MALRD1: variants seen among roughly 807,000 people sequenced by gnomAD.
MALRD1 encodes MAM and LDL-receptor class A domain-containing protein 1.
In MALRD1, 247 loss-of-function variants were observed where a neutral mutation model predicts 242.1. The observed-to-expected ratio is 1.02, with a 90% CI of 0.92 to 1.13. MALRD1 has a LOEUF of 1.13. Among genes scored for constraint, MALRD1 ranks in the 50% most tolerant of loss-of-function variants. The pLI is 0.00. For synonymous variants in MALRD1, 995 were observed against 866.6 expected (o/e 1.15, Z -2.60); for missense variants, 2,989 against 2,533.1 (o/e 1.18, Z -3.86).
At chr10:19,313,372 A>G (rs1173577377) in intron 21 of MALRD1, among the ~76,000 whole-genome samples, 1 of 151,488 alleles carries the variant, frequency 6.6e-6, no homozygotes, top group Non-Finnish European at 1.5e-5. Flanking sequence ...TTAAAGACTG[A>G]TCTAAAATCT....
At chr10:19,153,617 A>G (rs1325818781) in intron 11 of MALRD1, among the ~76,000 whole-genome samples, 1 of 151,852 alleles carries the variant, frequency 6.6e-6, no homozygotes, top group Non-Finnish European at 1.5e-5. Context: ...TGAACCCAGG[A>G]GTTCCAGGCA....
intron 8 of MALRD1, among the ~76,000 whole-genome samples, chr10:19,130,567 T>C (rs1432861151): frequency 6.6e-6 from 1 of 152,158 alleles, no homozygotes; most frequent in African/African-American, 2.4e-5. Flanking sequence ...TATTATAATA[T>C]GGTCTAATCC....
rs760137188 is a variant in MALRD1 at position 19,209,391 on chromosome 10, A to G, written c.2702A>G (p.Asp901Gly). 3 of 1,551,078 alleles carry G rather than the reference A, an allele frequency of 1.9e-6. No homozygotes were observed. Among genetic ancestry groups the G allele is most frequent in the South Asian group, 1.2e-5 (1 of 84,064 alleles). Residue 901 changes from aspartate (D) to glycine (G), a missense_variant, in exon 18 of 40, where the codon GAT becomes GGT. By Grantham distance (94) the Asp-to-Gly change is moderately conservative. Coordinates refer to ENST00000454679, the MANE Select transcript of MALRD1 (RefSeq NM_001142308.3). ...ACACTTAACACAGGGCCAATGAAAG[A>G]TAACACTCTGGGCACAGCTAAAGGA... ...TPTLNTGPMK[D>G]NTLGTAKGHY...
At position 19,175,259 on chromosome 10, in the gene MALRD1, G is replaced by T; in HGVS notation, c.1882G>T (p.Asp628Tyr). 2 of 1,230,470 alleles carry T rather than the reference G, an allele frequency of 1.6e-6. No homozygotes were observed. The highest frequency in any genetic ancestry group is 3.1e-4 in the Middle Eastern group (1 of 3,200). 76.2% of individuals were successfully genotyped at this position (1,230,470 alleles called of 1,614,324 possible). ...GTCAAATGCTACCGTTGCTCTAGAT[G>T]ACATCAGTGTGTCCCAGGAATGTGA... Reference protein sequence around the residue: ...LSSNATVALDDISVSQECEIS... With the variant: ...LSSNATVALDYISVSQECEIS... Residue 628 changes from aspartate (D) to tyrosine (Y), a missense_variant, in exon 14 of 40, where the codon GAC (aspartate) becomes TAC (tyrosine). Coordinates refer to ENST00000454679, the MANE Select transcript of MALRD1 (RefSeq NM_001142308.3).
chr10:19,165,616 T>C (rs1273312914), intron 12 of MALRD1, 21 bp from the exon 13 acceptor site: 1 of 1,229,258 alleles, frequency 8.1e-7, no homozygotes, highest in Middle Eastern at 3.1e-4. Flanking sequence ...ATTTATATCA[T>C]TGAAAACATG....
At chr10:19,082,527 A>G (rs944754500) in intron 2 of MALRD1, among the ~76,000 whole-genome samples, 1 of 151,946 alleles carries the variant, frequency 6.6e-6, no homozygotes, top group South Asian at 2.1e-4. Context: ...CTTTGAAAAC[A>G]TTTGACATAG....
intron 33 of MALRD1, among the ~76,000 whole-genome samples, chr10:19,573,866 C>T (rs1030902845): frequency 2.0e-5 from 3 of 152,116 alleles, no homozygotes; most frequent in Non-Finnish European, 2.9e-5. Context: ...CCTGAGAAAA[C>T]TCCAGTTTGG....
At chr10:19,143,362 G>A (rs1370964286) in intron 10 of MALRD1, among the ~76,000 whole-genome samples, 3 of 152,146 alleles carry the variant, frequency 2.0e-5, no homozygotes, top group Non-Finnish European at 4.4e-5. Context: ...CACACTCATC[G>A]ATCTCATTGC....
intron 26 of MALRD1, among the ~76,000 whole-genome samples, chr10:19,364,182 T>C (rs992749169): frequency 6.6e-6 from 1 of 152,078 alleles, no homozygotes; most frequent in Non-Finnish European, 1.5e-5. Context: ...GTGTCAAGGA[T>C]GAAATTAACT....
intron 38 of MALRD1, among the ~76,000 whole-genome samples, chr10:19,696,088 G>A (rs1833366088): frequency 6.6e-6 from 1 of 152,120 alleles, no homozygotes; most frequent in Non-Finnish European, 1.5e-5. Context: ...TTTAGCCCAA[G>A]CATCCCATGT....
chr10:19,215,111 G>T (rs1037891312), intron 18 of MALRD1, among the ~76,000 whole-genome samples: 1 of 152,066 alleles, frequency 6.6e-6, no homozygotes, highest in East Asian at 1.9e-4. Flanking sequence ...CCATTGCTTT[G>T]ATTGTGTTTT....
intron 28 of MALRD1, among the ~76,000 whole-genome samples, chr10:19,449,794 T>C (rs3864827): frequency 0.3 from 45,252 of 151,866 alleles, 6,825 homozygotes; most frequent in Admixed American, 0.39. Flanking sequence ...TGACAGGAGT[T>C]TGCCTGTATA....
chr10:19,205,251 A>T lies in MALRD1; in HGVS notation c.2564A>T (p.Asp855Val). 2 of 1,548,660 alleles carry T rather than the reference A, an allele frequency of 1.3e-6. No homozygotes were observed. The highest frequency in any genetic ancestry group is 1.7e-6 in the Non-Finnish European group (2 of 1,145,916). Residue 855 changes from aspartate to valine, a missense_variant, in exon 17 of 40, where the codon GAT becomes GTT. By Grantham distance (152) the Asp-to-Val change is radical. Coordinates refer to ENST00000454679, the MANE Select transcript of MALRD1 (RefSeq NM_001142308.3). ...GTGGATGACTGTGGTGATCGTACTG[A>T]TGAAGTCAACTGTGGTAAGTTCTTT... ...DLVDDCGDRT[D>V]EVNCAPELQC...
At chr10:19,496,249 C>T (rs142890894) in intron 30 of MALRD1, among the ~76,000 whole-genome samples, 1 of 152,254 alleles carries the variant, frequency 6.6e-6, no homozygotes, top group African/African-American at 2.4e-5. Flanking sequence ...CACCCTACCC[C>T]CAAACCACAG....
At chr10:19,061,936 A>G (rs1165948085) in intron 1 of MALRD1, among the ~76,000 whole-genome samples, 1 of 152,222 alleles carries the variant, frequency 6.6e-6, no homozygotes. Flanking sequence ...CTTCATTGAA[A>G]TTAAAAACTT....
At chr10:19,117,493 A>G (rs1369266122) in intron 5 of MALRD1, among the ~76,000 whole-genome samples, 1 of 151,968 alleles carries the variant, frequency 6.6e-6, no homozygotes, top group East Asian at 1.9e-4. Flanking sequence ...GAGATAATAT[A>G]CAACATTTAA....
At chr10:19,125,314 CTTCCTTCCTTCTTTCTTTCTTTCT>C (rs1177126522) in intron 7 of MALRD1, among the ~76,000 whole-genome samples, 3 of 79,462 alleles carry the variant, frequency 3.8e-5, no homozygotes, top group South Asian at 8.9e-4. Flanking sequence ...TCCTTCCTTC[CTTCCTTCCTTCTTTCTTTCTTTCT>C]TTCTTTCTTT....
chr10:19,318,389 G>A, intron 21 of MALRD1, among the ~76,000 whole-genome samples: 1 of 151,706 alleles, frequency 6.6e-6, no homozygotes, highest in Admixed American at 6.6e-5. Context: ...CCCTGCAGGT[G>A]AAAGGGGTAT....
intron 14 of MALRD1, among the ~76,000 whole-genome samples, chr10:19,176,327 A>T (rs1379361302): frequency 6.7e-6 from 1 of 149,206 alleles, no homozygotes; most frequent in African/African-American, 2.5e-5. Flanking sequence ...TCCTTTATTA[A>T]AGACATTTTT....
Sources: allele counts gnomAD v4.1 joint callset (sites outside exome capture counted in the v4.1 genomes callset), GRCh38; gene constraint gnomAD v4.1.1; transcripts MANE v1.5; gene names NCBI Gene and HGNC (gene_info 2026-07-23, HGNC 2026-07-21).